Variants in SNAP91 observed in about 807,000 individuals in gnomAD.
SNAP91 encodes the protein synaptosome associated protein 91.
Under a neutral mutation model 100.3 loss-of-function variants are expected in SNAP91, and 27 were observed. The ratio of observed to expected loss-of-function variants is 0.27; its 90% CI spans 0.20 to 0.37. The LOEUF is 0.37. Ranked by LOEUF, SNAP91 falls within the 10% of genes least tolerant of loss-of-function variation. SNAP91 has a pLI of 1.00. For synonymous variants in SNAP91, 404 were observed against 398.6 expected, an observed-to-expected ratio of 1.01 and a Z score of -0.16; for missense variants, 986 against 1,123.7, an observed-to-expected ratio of 0.88 and a Z score of 1.75.
At chr6:83,674,176 G>T (rs948497122) in intron 2 of SNAP91, among the ~76,000 whole-genome samples, 1 of 152,192 alleles carries the variant, frequency 6.6e-6, no homozygotes, top group African/African-American at 2.4e-5. Context: ...TATAATCCCA[G>T]CACTTTGCGA....
intron 2 of SNAP91, among the ~76,000 whole-genome samples, chr6:83,700,727 A>T (rs2099283143): frequency 6.6e-6 from 1 of 151,944 alleles, no homozygotes; most frequent in Admixed American, 6.6e-5. Context: ...CAGCCTTCCA[A>T]GTAGCTGGGA....
chr6:83,672,333 G>A (rs2098799426), intron 2 of SNAP91, among the ~76,000 whole-genome samples: 1 of 152,052 alleles, frequency 6.6e-6, no homozygotes, highest in African/African-American at 2.4e-5. Context: ...CATGGGACTG[G>A]GGGCAAGAGG....
intron 2 of SNAP91, chr6:83,686,232 CA>C: frequency 4.1e-6 from 4 of 982,604 alleles, no homozygotes; most frequent in Non-Finnish European, 4.8e-6. Flanking sequence ...GCCTGCAAAA[CA>C]TACGAAATTA....
At chr6:83,573,439 T>G (rs1425216990) in intron 26 of SNAP91, among the ~76,000 whole-genome samples, 2 of 152,138 alleles carry the variant, frequency 1.3e-5, no homozygotes, top group Non-Finnish European at 2.9e-5. Context: ...TTCACAGAAT[T>G]GGAAAAAACT....
chr6:83,581,114 T>TAGG, intron 23 of SNAP91, among the ~76,000 whole-genome samples: 1 of 152,182 alleles, frequency 6.6e-6, no homozygotes, highest in African/African-American at 2.4e-5. Context: ...ATCTAAATAA[T>TAGG]TTACTCTGAA....
intron 16 of SNAP91, among the ~76,000 whole-genome samples, chr6:83,598,593 G>A (rs903384363): frequency 1.3e-5 from 2 of 152,002 alleles, no homozygotes; most frequent in Non-Finnish European, 2.9e-5. Flanking sequence ...ATATTGCATA[G>A]GACCTCAAAA....
chr6:83,706,956 G>T (rs999849421), intron 2 of SNAP91, among the ~76,000 whole-genome samples: 8 of 152,176 alleles, frequency 5.3e-5, no homozygotes, highest in African/African-American at 1.4e-4. Context: ...GGTGACAAAA[G>T]ATTTACTGTT....
At chr6:83,636,975 A>G (rs1375609192) in intron 8 of SNAP91, among the ~76,000 whole-genome samples, 1 of 152,152 alleles carries the variant, frequency 6.6e-6, no homozygotes. Flanking sequence ...CCTGTGGTGC[A>G]TTTCAGAGGT....
chr6:83,683,904 C>T (rs971955427), intron 2 of SNAP91, among the ~76,000 whole-genome samples: 1 of 152,136 alleles, frequency 6.6e-6, no homozygotes, highest in African/African-American at 2.4e-5. Flanking sequence ...TTCAGTCAAC[C>T]ACCACACCAC....
At chr6:83,652,117 C>A (rs886367020) in intron 7 of SNAP91, among the ~76,000 whole-genome samples, 7 of 152,046 alleles carry the variant, frequency 4.6e-5, no homozygotes, top group African/African-American at 1.7e-4. Context: ...TTCCTATAGA[C>A]AACATATAGT....
At chr6:83,658,335 C>T (rs867622171) in intron 6 of SNAP91, among the ~76,000 whole-genome samples, 3 of 152,040 alleles carry the variant, frequency 2.0e-5, no homozygotes, top group Non-Finnish European at 4.4e-5. Flanking sequence ...CTAGGCCAGG[C>T]GTGGTGGCTC....
chr6:83,677,911 A>G (rs554258287), intron 2 of SNAP91, among the ~76,000 whole-genome samples: 2 of 152,328 alleles, frequency 1.3e-5, no homozygotes, highest in East Asian at 3.9e-4. Flanking sequence ...ACTGAAACAG[A>G]AGATCTTGGT....
chr6:83,642,958 T>C (rs1208241050), intron 7 of SNAP91, among the ~76,000 whole-genome samples: 1 of 152,264 alleles, frequency 6.6e-6, no homozygotes, highest in African/African-American at 2.4e-5. Context: ...GAGCATTTTT[T>C]CATGTGTCTG....
intron 2 of SNAP91, among the ~76,000 whole-genome samples, chr6:83,672,336 G>T (rs965422916): frequency 3.9e-5 from 6 of 151,988 alleles, no homozygotes; most frequent in African/African-American, 1.2e-4. Context: ...GGGACTGGGG[G>T]CAAGAGGCCT....
intron 23 of SNAP91, among the ~76,000 whole-genome samples, chr6:83,581,529 TCAAAAAA>T (rs749196801): frequency 2.6e-5 from 4 of 152,190 alleles, no homozygotes; most frequent in Non-Finnish European, 2.9e-5. Flanking sequence ...TAAAATTTTA[TCAAAAAA>T]CTATGCATAT....
chr6:83,638,145 C>T (rs74754302), intron 8 of SNAP91, among the ~76,000 whole-genome samples: 62 of 152,252 alleles, frequency 4.1e-4, no homozygotes, highest in African/African-American at 1.4e-3. Context: ...GGATGGGCAC[C>T]TATGGTCATG....
intron 6 of SNAP91, among the ~76,000 whole-genome samples, chr6:83,657,935 T>C (rs796841544): frequency 1.3e-5 from 2 of 148,784 alleles, no homozygotes; most frequent in African/African-American, 5.0e-5. Flanking sequence ...CCTTGCTTTT[T>C]TTTTTTTTTT....
chr6:83,706,205 T>C (rs2099381052), intron 2 of SNAP91, among the ~76,000 whole-genome samples: 1 of 152,262 alleles, frequency 6.6e-6, no homozygotes, highest in Non-Finnish European at 1.5e-5. Flanking sequence ...ATTTTAATTA[T>C]AGATCAGCAT....
intron 2 of SNAP91, among the ~76,000 whole-genome samples, chr6:83,671,894 C>T (rs1250421282): frequency 6.6e-6 from 1 of 151,922 alleles, no homozygotes; most frequent in African/African-American, 2.4e-5. Flanking sequence ...GCTTGGACTG[C>T]TCTATAAACT....
Sources: gnomAD v4.1 joint callset for allele counts (sites outside exome capture counted in the v4.1 genomes callset) on GRCh38, gnomAD v4.1.1 for gene constraint, MANE v1.5 for transcripts, NCBI Gene and HGNC (gene_info 2026-07-23, HGNC 2026-07-21) for gene names.